Variants in LZTS2 observed in about 807,000 individuals in gnomAD.
LZTS2 encodes leucine zipper tumor suppressor 2, also known as leucine zipper putative tumor suppressor 2.
In LZTS2, 32 loss-of-function variants were observed where a neutral mutation model predicts 60.6. That is an observed-to-expected ratio of 0.53 (90% CI 0.40 to 0.71). LZTS2 has a LOEUF of 0.71. Ranked by LOEUF, LZTS2 falls within the 30% of genes least tolerant of loss-of-function variation. The pLI, the probability that LZTS2 is intolerant of heterozygous loss-of-function variation, is 0.00. For synonymous variants in LZTS2, 360 were observed against 393.1 expected, an observed-to-expected ratio of 0.92 and a Z score of 1.00; for missense variants, 792 against 901.9, an observed-to-expected ratio of 0.88 and a Z score of 1.56.
exon 4 of LZTS2, chr10:101,007,513 C>T: frequency 7.3e-7 from 1 of 1,360,800 alleles, no homozygotes; most frequent in Non-Finnish European, 9.6e-7. Context: ...GCTCCCTCCT[C>T]TTCACATTCC....
At chr10:101,003,807 G>A (rs750335934) in exon 2 of LZTS2, 7 of 1,613,282 alleles carry the variant, frequency 4.3e-6, no homozygotes, top group South Asian at 2.2e-5. Flanking sequence ...CGGAGGTGCC[G>A]AGCCAACCAC....
chr10:100,998,202 G>A (rs937998407), upstream of LZTS2: 2 of 152,422 alleles, frequency 1.3e-5, no homozygotes, highest in East Asian at 1.9e-4. Flanking sequence ...AGGGAATGAG[G>A]GAGTGGGCAG....
Position 101,002,841 on chromosome 10 carries a change from C to T in LZTS2, c.303C>T (p.Pro101=), listed in dbSNP as rs117876479. ...AGGACTTCCGGACAGAGTCACCCCC[C>T]AGCCCAAGCAGTGATGTTGAGGATG... The change falls in exon 1 of 4, where the codon CCC becomes CCT. Residue 101 remains proline (P), a synonymous_variant. Transcript: ENST00000370220. The T allele has an allele frequency of 2.0e-3, 3,219 of 1,613,898 alleles. 53 individuals are homozygous for T. The East Asian group carries it at 0.034, about 17-fold the overall frequency.
exon 4 of LZTS2, chr10:101,006,502 C>G: frequency 6.2e-7 from 1 of 1,609,834 alleles, no homozygotes; most frequent in Non-Finnish European, 8.5e-7. Context: ...AGAAATCAGG[C>G]GAGATCTCCC....
chr10:101,004,630 G>C lies in LZTS2; in HGVS notation c.1068+464G>C, dbSNP rs568811358. On this transcript the variant is annotated intron_variant, in intron 2 of 3. Coordinates refer to ENST00000370220, the Ensembl canonical transcript of LZTS2. Reference sequence around the variant, plus strand: ...AACAAAAAACAAAACTTGTGGGGTGGAAAGGAGTCAGAGTGCATGGATTCA... The same window carrying C: ...AACAAAAAACAAAACTTGTGGGGTGCAAAGGAGTCAGAGTGCATGGATTCA... 3.3e-5 allele frequency among the ~76,000 whole-genome samples: 5 copies of C among 152,278 alleles called. No homozygotes were observed. In the South Asian group the frequency reaches 1.0e-3, roughly 32 times the overall value.
upstream of LZTS2, chr10:100,998,225 T>G (rs917967615): frequency 2.6e-5 from 4 of 151,888 alleles, no homozygotes; most frequent in South Asian, 2.1e-4. Flanking sequence ...GCCCGATGCC[T>G]CCTCCTCGCC....
rs756399454 is a variant in LZTS2, at chr10:101,006,471, C to T, written c.1327-14C>T. On this transcript the variant is annotated splice_polypyrimidine_tract_variant and intron_variant, in intron 3 of 3. Coordinates refer to ENST00000370220, the Ensembl canonical transcript of LZTS2. ...CCTGTCTCACCATCCTTCCCCACTTCCTCCCACCCCCAGGTGTGCCAGAAA... is the reference window on the plus strand; with the variant it reads ...CCTGTCTCACCATCCTTCCCCACTTTCTCCCACCCCCAGGTGTGCCAGAAA... The T allele has an allele frequency of 5.0e-6, 8 of 1,600,564 alleles. No individual in the cohort carries two copies. In the East Asian group the frequency reaches 9.0e-5, roughly 18 times the overall value.
intron 1 of LZTS2, 142 bp downstream of exon 2, chr10:101,003,088 C>A: frequency 9.2e-7 from 1 of 1,090,484 alleles, no homozygotes; most frequent in Non-Finnish European, 1.3e-6. Flanking sequence ...CTCTCTCATT[C>A]TGGATGTGTG....
At chr10:101,004,769 G>A (rs920139480) in intron 2 of LZTS2, among the ~76,000 whole-genome samples, 3 of 152,170 alleles carry the variant, frequency 2.0e-5, no homozygotes, top group Non-Finnish European at 4.4e-5. Flanking sequence ...ATTATTATGA[G>A]GATTAAATAA....
exon 4 of LZTS2, chr10:101,006,575 G>T: frequency 6.2e-7 from 1 of 1,610,848 alleles, no homozygotes. Context: ...CGAGCTGGTG[G>T]CTCTGCGGGT....
chr10:101,006,697 G>A, exon 4 of LZTS2: 1 of 1,599,338 alleles, frequency 6.3e-7, no homozygotes, highest in Non-Finnish European at 8.5e-7. Flanking sequence ...CCCAGGAGCT[G>A]CAGCGACACC....
In LZTS2 at chr10:101,003,961, G is replaced by A. The variant is rs754395495; in HGVS notation, c.863G>A (p.Arg288His). ...AAGAGCACAGGCTCCCTAGGGGGCC[G>A]TGTGGCTGGGGGGCTTTTGGGCAGT... Residue 288 changes from arginine (R) to histidine (H), a missense_variant, in exon 2 of 4, where the codon CGT becomes CAT. Physicochemically the swap from Arg to His is conservative, Grantham distance 29. Coordinates refer to ENST00000370220, the Ensembl canonical transcript of LZTS2. 9.9e-6 allele frequency: 16 copies of A among 1,611,504 alleles called. 1 individual carries two copies. The Admixed American group carries it at 1.2e-4, about 12-fold the overall frequency.
exon 1 of LZTS2, chr10:101,002,759 G>T (rs1391688225): frequency 6.2e-7 from 1 of 1,613,410 alleles, no homozygotes; most frequent in East Asian, 2.2e-5. Flanking sequence ...GAGCCGCTGT[G>T]CCCAGCTGTG....
chr10:101,000,730 T>C, exon 1 of LZTS2: 1 of 152,418 alleles, frequency 6.6e-6, no homozygotes, highest in Non-Finnish European at 1.5e-5. Flanking sequence ...CTCCACACCC[T>C]GGAGTGGGCC....
Position 101,001,313 on chromosome 10 carries a change from A to C in LZTS2, c.-1226A>C, listed in dbSNP as rs553439333. 10 of 152,390 alleles carry C rather than the reference A, an allele frequency of 6.6e-5. No individual in the cohort carries two copies. The East Asian group carries it at 1.9e-3, about 29-fold the overall frequency. 9.4% of individuals were successfully genotyped at this position (152,390 alleles called of 1,614,324 possible). On this transcript the variant is annotated 5_prime_UTR_variant, in exon 1 of 4. Coordinates refer to ENST00000370220, the Ensembl canonical transcript of LZTS2. ...ATCCACATACTCTTCTAAGATATAC[A>C]CATGTGAATTCACACATGAACTCAT...
upstream of LZTS2, chr10:100,998,489 T>C (rs1851959770): frequency 6.6e-6 from 1 of 152,174 alleles, no homozygotes; most frequent in Non-Finnish European, 1.5e-5. Flanking sequence ...GAGCTAAAAA[T>C]AGAGCTGAGA....
exon 4 of LZTS2, chr10:101,007,120 G>T: frequency 6.2e-7 from 1 of 1,609,820 alleles, no homozygotes; most frequent in Non-Finnish European, 8.5e-7. Context: ...GCCTGGCCGA[G>T]CAGGCCCCCT....
At chr10:101,005,566 CAGG>C in exon 3 of LZTS2, 1 of 1,610,306 alleles carries the variant, frequency 6.2e-7, no homozygotes, top group South Asian at 1.1e-5. Context: ...GCTGCAGCTG[CAGG>C]TGTTCCAGCT....
exon 2 of LZTS2, chr10:101,003,653 C>T (rs1288708965): frequency 6.2e-7 from 1 of 1,609,504 alleles, no homozygotes; most frequent in African/African-American, 1.3e-5. Flanking sequence ...TGTTTGGGGG[C>T]CCTGCCTCCT....
Sources: gnomAD v4.1 joint callset for allele counts (sites outside exome capture counted in the v4.1 genomes callset) on GRCh38, gnomAD v4.1.1 for gene constraint, MANE v1.5 for transcripts, NCBI Gene and HGNC (gene_info 2026-07-23, HGNC 2026-07-21) for gene names.